Variants in KIF5C observed in about 807,000 individuals in gnomAD.
KIF5C encodes the protein kinesin family member 5C, also known as kinesin heavy chain isoform 5C.
Under a neutral mutation model 125.2 loss-of-function variants are expected in KIF5C, and 18 were observed. The ratio of observed to expected loss-of-function variants is 0.14; its 90% confidence interval spans 0.10 to 0.21. KIF5C has a LOEUF of 0.21. KIF5C is among the 10% of genes least tolerant of loss of function. The pLI is 1.00. For synonymous variants in KIF5C, 405 were observed against 434.0 expected, an observed-to-expected ratio of 0.93 and a Z score of 0.83; for missense variants, 780 against 1,183.8, an observed-to-expected ratio of 0.66 and a Z score of 5.01.
intron 1 of KIF5C, among the ~76,000 whole-genome samples, chr2:148,887,896 T>G (rs1027312795): frequency 6.6e-6 from 1 of 152,116 alleles, no homozygotes; most frequent in African/African-American, 2.4e-5. Context: ...TGAATGTTGT[T>G]GAGGAAAGAT....
rs918965496 is a variant in KIF5C, at chr2:149,025,996, G to C, written c.*2926G>C. On this transcript the variant is annotated 3_prime_UTR_variant, in exon 26 of 26. Transcript: ENST00000435030. ...GATAAATGAAGAAATAAAAATGTTT[G>C]TCTAGAATGTAGCATCTAGTGACTT... 1.3e-5 allele frequency: 2 copies of C among 152,592 alleles called. No homozygotes were observed. The highest frequency in any genetic ancestry group is 4.8e-5 in the African/African-American group (2 of 41,448). 9.5% of individuals were successfully genotyped at this position (152,592 alleles called of 1,614,324 possible).
At chr2:149,018,658 A>G (rs1266256133) in intron 25 of KIF5C, among the ~76,000 whole-genome samples, 1 of 150,430 alleles carries the variant, frequency 6.6e-6, no homozygotes, top group South Asian at 2.1e-4. Context: ...CTGTCTCAAT[A>G]ATAATAATAA....
At position 148,973,346 on chromosome 2, in the gene KIF5C, G is replaced by C. The variant is rs1680972881; in HGVS notation, c.1128G>C (p.Val376=). ...ELNRWRNGEA[V]PEDEQISAKD... ...GGCTATGTTTTGCAGGAGAAGCTGT[G>C]CCTGAGGATGAACAGATCAGTGCCA... The change falls in exon 12 of 26, where the codon GTG becomes GTC. Residue 376 remains valine, a synonymous_variant. Coordinates refer to ENST00000435030, the MANE Select transcript of KIF5C (RefSeq NM_004522.3). 6.2e-7 allele frequency: 1 copy of C among 1,611,188 alleles called. No homozygotes were observed. The highest frequency in any genetic ancestry group is 1.3e-5 in the African/African-American group (1 of 74,734).
intron 1 of KIF5C, among the ~76,000 whole-genome samples, chr2:148,897,187 G>C (rs1037363361): frequency 6.6e-6 from 1 of 152,168 alleles, no homozygotes; most frequent in African/African-American, 2.4e-5. Flanking sequence ...TTAGCACACA[G>C]ACACACATCT....
intron 25 of KIF5C, among the ~76,000 whole-genome samples, chr2:149,019,380 C>T (rs1682462056): frequency 6.6e-6 from 1 of 152,140 alleles, no homozygotes; most frequent in African/African-American, 2.4e-5. Context: ...TGGGGACAGA[C>T]CTGAAAAGAC....
chr2:148,978,233 C>G (rs1681130093), intron 12 of KIF5C, among the ~76,000 whole-genome samples: 1 of 151,542 alleles, frequency 6.6e-6, no homozygotes, highest in South Asian at 2.1e-4. Flanking sequence ...GCAGCAACAC[C>G]TAGTGGCAGA....
intron 4 of KIF5C, among the ~76,000 whole-genome samples, chr2:148,938,446 T>A (rs1001350733): frequency 2.6e-5 from 4 of 152,218 alleles, no homozygotes; most frequent in Admixed American, 2.0e-4. Flanking sequence ...CCTGCTTTTC[T>A]GCCCCCTTGC....
intron 1 of KIF5C, among the ~76,000 whole-genome samples, chr2:148,918,388 T>C (rs1445118546): frequency 2.0e-5 from 3 of 152,308 alleles, no homozygotes; most frequent in South Asian, 4.1e-4. Flanking sequence ...GCTGGTAAAA[T>C]GCTATAATTG....
chr2:148,933,209 G>C (rs1682216424), intron 3 of KIF5C, among the ~76,000 whole-genome samples: 1 of 151,930 alleles, frequency 6.6e-6, no homozygotes, highest in Admixed American at 6.6e-5. Context: ...TTCAAGATTT[G>C]GTGTCCCTCA....
At chr2:148,885,441 G>T (rs908538065) in intron 1 of KIF5C, 11 of 152,288 alleles carry the variant, frequency 7.2e-5, no homozygotes, top group African/African-American at 2.6e-4. Context: ...AGGCAAATGC[G>T]TCTCATTTGT....
Position 148,973,418 on chromosome 2 carries a change from C to T in KIF5C, c.1200C>T (p.Asp400=), listed in dbSNP as rs757877298. The change falls in exon 12 of 26, where the codon GAC becomes GAT. Residue 400 remains aspartate (D), a synonymous_variant. Transcript: ENST00000435030. The stretch of plus-strand genomic sequence containing the variant: ...CTTGTGATAACACCCCCATCATAGA[C>T]AATATTGCTCCTGTTGTTGCTGGCA... ...LEPCDNTPII[D]NIAPVVAGIS... The T allele has an allele frequency of 9.3e-6, 15 of 1,613,754 alleles. No homozygotes were observed. Among genetic ancestry groups the T allele is most frequent in the Non-Finnish European group, 1.3e-5 (15 of 1,179,732 alleles).
chr2:148,968,785 T>A (rs1680817669), intron 11 of KIF5C, among the ~76,000 whole-genome samples: 1 of 151,986 alleles, frequency 6.6e-6, no homozygotes, highest in Non-Finnish European at 1.5e-5. Flanking sequence ...TTTTTTAACA[T>A]CACATTTATA....
In KIF5C at chr2:148,990,506, T is replaced by C. The variant is rs923493609; in HGVS notation, c.1717-504T>C. 5.9e-5 allele frequency among the ~76,000 whole-genome samples: 9 copies of C among 152,320 alleles called. 1 individual carries two copies. The highest frequency in any genetic ancestry group is 2.6e-4 in the Admixed American group (4 of 15,298). On this transcript the variant is annotated intron_variant, in intron 15 of 25. Transcript: ENST00000435030. Reference sequence around the variant, plus strand: ...ATTGAGGACTACATAGAAACACCTTTTTATTTCAATCCTTGTTTATAGAAA... The same window carrying C: ...ATTGAGGACTACATAGAAACACCTTCTTATTTCAATCCTTGTTTATAGAAA...
intron 10 of KIF5C, 143 bp downstream of exon 10, chr2:148,950,605 T>A: frequency 3.9e-5 from 48 of 1,245,036 alleles, no homozygotes; most frequent in Non-Finnish European, 5.1e-5. Context: ...GGTCAGGAGT[T>A]TGAGACCAGC....
intron 10 of KIF5C, among the ~76,000 whole-genome samples, chr2:148,956,894 A>T (rs143214629): frequency 1.4e-3 from 218 of 152,344 alleles, no homozygotes; most frequent in African/African-American, 5.0e-3. Flanking sequence ...GCCACTTTGG[A>T]TTAATCAAAT....
intron 25 of KIF5C, among the ~76,000 whole-genome samples, chr2:149,018,430 T>G (rs1682432869): frequency 1.3e-5 from 2 of 152,336 alleles, no homozygotes; most frequent in African/African-American, 4.8e-5. Flanking sequence ...CGGGATGAGC[T>G]GTCAAGATCC....
chr2:148,882,192 A>ACTCTGAG (rs1558870081), intron 1 of KIF5C, among the ~76,000 whole-genome samples: 2 of 151,970 alleles, frequency 1.3e-5, no homozygotes, highest in Non-Finnish European at 2.9e-5. Context: ...GCCAGGATGA[A>ACTCTGAG]CTCTGAGCTC....
At chr2:148,971,859 G>T (rs981446400) in intron 11 of KIF5C, among the ~76,000 whole-genome samples, 1 of 152,108 alleles carries the variant, frequency 6.6e-6, no homozygotes, top group Non-Finnish European at 1.5e-5. Context: ...TGTTCAGGTG[G>T]GTTCCTTGAA....
At chr2:148,909,325 G>A (rs113553395) in intron 1 of KIF5C, among the ~76,000 whole-genome samples, 2,977 of 152,314 alleles carry the variant, frequency 0.02, 89 homozygotes, top group African/African-American at 0.062. Context: ...CTGCTGGCAA[G>A]CCTCCAGGCT....
Sources: gnomAD v4.1 joint callset for allele counts (sites outside exome capture counted in the v4.1 genomes callset) on GRCh38, gnomAD v4.1.1 for gene constraint, MANE v1.5 for transcripts, NCBI Gene and HGNC (gene_info 2026-07-23, HGNC 2026-07-21) for gene names.